Variants in RBPJ observed in about 807,000 individuals in gnomAD.
The protein encoded by RBPJ is recombining binding protein suppressor of hairless.
In RBPJ, 9 loss-of-function variants were observed where a neutral mutation model predicts 67.8. That is an observed-to-expected ratio of 0.13 (90% confidence interval 0.08 to 0.23). The LOEUF (loss-of-function observed/expected upper bound fraction) is 0.23. Ranked by LOEUF, RBPJ falls within the 10% of genes least tolerant of loss-of-function variation. RBPJ has a pLI of 1.00. For missense variants in RBPJ, 305 were observed against 595.6 expected (o/e 0.51, Z 5.08); for synonymous variants, 198 against 203.3 (o/e 0.97, Z 0.22).
chr4:26,303,181 AAAAT>A (rs143814094), intron 1 of RBPJ, among the ~76,000 whole-genome samples: 82,128 of 138,044 alleles, frequency 0.59, 24,536 homozygotes, highest in East Asian at 0.67. Flanking sequence ...ACCCTGTCAA[AAAAT>A]AAATAAATAA....
chr4:26,192,305 C>A (rs953387253), intron 1 of RBPJ, among the ~76,000 whole-genome samples: 2 of 152,166 alleles, frequency 1.3e-5, no homozygotes, highest in African/African-American at 2.4e-5. Flanking sequence ...CTGTGCCCAG[C>A]CCCATTCTTT....
chr4:26,250,032 C>T (rs868800773), intron 1 of RBPJ, among the ~76,000 whole-genome samples: 36 of 152,018 alleles, frequency 2.4e-4, no homozygotes, highest in African/African-American at 6.7e-4. Flanking sequence ...GTGGTCCCCC[C>T]GCCACGGCCT....
intron 2 of RBPJ, among the ~76,000 whole-genome samples, chr4:26,397,551 G>A (rs769624208): frequency 1.5e-4 from 23 of 152,124 alleles, no homozygotes; most frequent in East Asian, 7.7e-4. Flanking sequence ...TTTCTGTAGC[G>A]TCAAGTAGTA....
chr4:26,264,794 T>C lies in RBPJ; in HGVS notation c.-166-97652T>C, dbSNP rs530007697. Among the ~76,000 whole-genome samples the C allele has an allele frequency of 6.6e-6, 1 of 152,210 alleles. No individual in the cohort carries two copies. Among genetic ancestry groups the C allele is most frequent in the Non-Finnish European group, 1.5e-5 (1 of 68,030 alleles). On this transcript the variant is annotated intron_variant, in intron 1 of 4. Coordinates refer to the RBPJ transcript ENST00000512351. This position sits in a 1 kb window ranked among gnomAD's most constrained non-coding sequence, Gnocchi z 4.1. ...CACTGTGCTCCCATAACCCTCTGCC[T>C]ACCGTAGCAGGCATTTTATGGTTTG...
At chr4:26,400,740 G>T (rs1732690793) in intron 2 of RBPJ, among the ~76,000 whole-genome samples, 1 of 152,102 alleles carries the variant, frequency 6.6e-6, no homozygotes, top group African/African-American at 2.4e-5. Flanking sequence ...ACTTTTTCAG[G>T]AATTTGTATT....
At chr4:26,208,141 T>C (rs947848360) in intron 1 of RBPJ, among the ~76,000 whole-genome samples, 1 of 152,258 alleles carries the variant, frequency 6.6e-6, no homozygotes, top group African/African-American at 2.4e-5. Flanking sequence ...CAATAGTGTT[T>C]ACTACGTGCT....
intron 1 of RBPJ, among the ~76,000 whole-genome samples, chr4:26,267,062 C>G (rs1380202544): frequency 6.6e-6 from 1 of 152,144 alleles, no homozygotes; most frequent in Non-Finnish European, 1.5e-5. Flanking sequence ...TAAGTTGTCT[C>G]CTCTTTATTT....
At chr4:26,325,699 C>G (rs1470781559) in intron 1 of RBPJ, among the ~76,000 whole-genome samples, 1 of 152,200 alleles carries the variant, frequency 6.6e-6, no homozygotes, top group Non-Finnish European at 1.5e-5. Context: ...TCATCTGTCT[C>G]TTCTCCAGCT....
chr4:26,287,867 G>T lies in RBPJ; in HGVS notation c.-166-74579G>T, dbSNP rs1721535265. On this transcript the variant is annotated intron_variant, in intron 1 of 4. Transcript: ENST00000512351. ...TCCAATAGAAGAAGACCAGGGAAGG[G>T]TCTAGGCCTAATTTTGTCATTTATT... Among the ~76,000 whole-genome samples, 4 of 152,020 alleles carry T rather than the reference G, an allele frequency of 2.6e-5. No homozygotes were observed. The East Asian group carries it at 7.8e-4, about 29-fold the overall frequency.
upstream of RBPJ, among the ~76,000 whole-genome samples, chr4:26,160,554 C>T (rs1213163578): frequency 6.6e-6 from 1 of 152,120 alleles, no homozygotes; most frequent in East Asian, 1.9e-4. Flanking sequence ...TAACAAACAC[C>T]CCCACATCTC....
At chr4:26,169,367 C>T (rs561698795) in intron 1 of RBPJ, among the ~76,000 whole-genome samples, 1 of 152,372 alleles carries the variant, frequency 6.6e-6, no homozygotes, top group African/African-American at 2.4e-5. Flanking sequence ...GTATCAGCAG[C>T]GGTGTCTGCA....
At position 26,215,374 on chromosome 4, in the gene RBPJ, G is replaced by A. The variant is rs1224359859; in HGVS notation, c.-167+51760G>A. On this transcript the variant is annotated intron_variant, in intron 1 of 4. Coordinates refer to the RBPJ transcript ENST00000512351. ...AAAAAAGAAGGAAGGAAGGAAGGAA[G>A]AAGGGAGGGAGGGAGAGAGGAAGGA... Among the ~76,000 whole-genome samples, 37 of 65,002 alleles carry A rather than the reference G, an allele frequency of 5.7e-4. 1 individual carries two copies. The highest frequency in any genetic ancestry group is 3.1e-3 in the African/African-American group (36 of 11,654). 42.6% of individuals were successfully genotyped at this position (65,002 alleles called of 152,430 possible). A position where few individuals can be genotyped will look rare whatever the true frequency, so the allele number is the denominator to read the frequency against.
chr4:26,404,695 G>T (rs1232734014), intron 2 of RBPJ, among the ~76,000 whole-genome samples: 1 of 152,192 alleles, frequency 6.6e-6, no homozygotes, highest in Non-Finnish European at 1.5e-5. Flanking sequence ...CTGGCACATA[G>T]TAAACACTCA....
At chr4:26,213,919 G>A (rs1718523908) in intron 1 of RBPJ, among the ~76,000 whole-genome samples, 1 of 152,114 alleles carries the variant, frequency 6.6e-6, no homozygotes. Flanking sequence ...TGCTGATAAG[G>A]GTGATGGCAA....
intron 1 of RBPJ, among the ~76,000 whole-genome samples, chr4:26,342,139 T>G (rs1276503353): frequency 6.6e-6 from 1 of 152,074 alleles, no homozygotes; most frequent in African/African-American, 2.4e-5. Context: ...TCTAGCAAGT[T>G]CCCGGATGAT....
At chr4:26,194,686 C>T (rs112818571) in intron 1 of RBPJ, among the ~76,000 whole-genome samples, 3 of 152,326 alleles carry the variant, frequency 2.0e-5, no homozygotes, top group African/African-American at 7.2e-5. Context: ...CATTTTGTAC[C>T]CTGGGTTCTA....
intron 1 of RBPJ, among the ~76,000 whole-genome samples, chr4:26,384,185 T>TA (rs1730585341): frequency 6.6e-6 from 1 of 152,210 alleles, no homozygotes; most frequent in Non-Finnish European, 1.5e-5. Flanking sequence ...TCATGTGGGA[T>TA]AAAATCAAGC....
At chr4:26,221,449 T>G (rs1718907934) in intron 1 of RBPJ, among the ~76,000 whole-genome samples, 1 of 152,112 alleles carries the variant, frequency 6.6e-6, no homozygotes, top group South Asian at 2.1e-4. Flanking sequence ...AGACTACTGT[T>G]TGTTCAGGGG....
At chr4:26,388,602 ACACTCT>A (rs1731162002) in intron 2 of RBPJ, among the ~76,000 whole-genome samples, 1 of 111,290 alleles carries the variant, frequency 9.0e-6, no homozygotes, top group African/African-American at 2.7e-5. Flanking sequence ...GATTACACAC[ACACTCT>A]CTCTCTCTCT....
Sources: allele counts gnomAD v4.1 joint callset (sites outside exome capture counted in the v4.1 genomes callset), GRCh38; gene constraint gnomAD v4.1.1; non-coding constraint Gnocchi (gnomAD v3.1); transcripts MANE v1.5; gene names NCBI Gene and HGNC (gene_info 2026-07-23, HGNC 2026-07-21).